Variants in SCN10A observed in about 807,000 individuals in gnomAD.
SCN10A encodes the protein sodium voltage-gated channel alpha subunit 10.
Under a neutral mutation model 170.7 loss-of-function variants are expected in SCN10A, and 162 were observed. That is an observed-to-expected ratio of 0.95 (90% CI 0.84 to 1.08). The LOEUF is 1.08. SCN10A is among the 50% of genes least tolerant of loss of function. The pLI is 0.00. For missense variants in SCN10A, 2,527 were observed against 2,436.9 expected (o/e 1.04, Z -0.78); for synonymous variants, 985 against 904.6 (o/e 1.09, Z -1.59).
chr3:38,802,519 C>A (rs1475659079), intron 1 of SCN10A, among the ~76,000 whole-genome samples: 1 of 152,060 alleles, frequency 6.6e-6, no homozygotes, highest in African/African-American at 2.4e-5. Flanking sequence ...AGGTCCCAAG[C>A]CTTAAAACTT....
intron 3 of SCN10A, among the ~76,000 whole-genome samples, chr3:38,791,038 A>G (rs1445858266): frequency 6.6e-6 from 1 of 152,210 alleles, no homozygotes; most frequent in Non-Finnish European, 1.5e-5. Context: ...TGCCAAGGTT[A>G]CCAGCTCAAT....
chr3:38,808,432 A>G (rs2064419681), intron 1 of SCN10A, among the ~76,000 whole-genome samples: 1 of 152,156 alleles, frequency 6.6e-6, no homozygotes, highest in African/African-American at 2.4e-5. Context: ...TTTGATAATT[A>G]TCTGTTCAAT....
intron 19 of SCN10A, among the ~76,000 whole-genome samples, chr3:38,722,785 G>C (rs575221910): frequency 4.3e-4 from 66 of 152,336 alleles, no homozygotes; most frequent in African/African-American, 1.6e-3. Flanking sequence ...GGGCCACGAC[G>C]TGGCTGGGAT....
At chr3:38,748,433 A>G (rs1280246240) in intron 13 of SCN10A, among the ~76,000 whole-genome samples, 1 of 152,256 alleles carries the variant, frequency 6.6e-6, no homozygotes, top group Non-Finnish European at 1.5e-5. Context: ...TTATGCTTCA[A>G]GTCCTCACCA....
rs543574832 is a variant in SCN10A at position 38,735,169 on chromosome 3, CAA to C, written c.2280+4344_2280+4345del. ...TGGGTGACAGAGCGAGACTCTGTCT[CAA>C]AAAAAAAAAAAAAAAAAAGAAAGAA... On this transcript the variant is annotated intron_variant, in intron 15 of 27. Transcript: ENST00000449082. Among the ~76,000 whole-genome samples, 113 of 76,148 alleles carry C rather than the reference CAA, an allele frequency of 1.5e-3. 1 individual carries two copies. The highest frequency in any genetic ancestry group is 8.2e-3 in the Middle Eastern group (1 of 122). The allele number at this position is 76,148 out of a possible 152,430, so 50.0% of individuals were successfully genotyped here.
chr3:38,750,039 A>C lies in SCN10A; in HGVS notation c.1867+34T>G, dbSNP rs373795368. On this transcript the variant is annotated intron_variant, in intron 13 of 27. Transcript: ENST00000449082. ...TGCTCACATGGGAATTCATCATGACACAGTGGATGAACAATGCAGTGAGCA... is the reference window on the plus strand; with the variant it reads ...TGCTCACATGGGAATTCATCATGACCCAGTGGATGAACAATGCAGTGAGCA... 4 of 1,169,332 alleles carry C rather than the reference A, an allele frequency of 3.4e-6. No individual in the cohort carries two copies. The African/African-American group carries it at 6.0e-5, about 18-fold the overall frequency. The allele number at this position is 1,169,332 out of a possible 1,614,324, so 72.4% of individuals were successfully genotyped here. A position where few individuals can be genotyped will look rare whatever the true frequency, so the allele number is the denominator to read the frequency against.
chr3:38,762,894 T>G (rs1172560392), intron 6 of SCN10A, among the ~76,000 whole-genome samples: 2 of 152,148 alleles, frequency 1.3e-5, no homozygotes, highest in Non-Finnish European at 2.9e-5. Flanking sequence ...TTCAGAAAGT[T>G]TGCCTTGTCT....
intron 8 of SCN10A, among the ~76,000 whole-genome samples, chr3:38,759,867 TTTG>T (rs2063849506): frequency 6.6e-6 from 1 of 152,190 alleles, no homozygotes; most frequent in African/African-American, 2.4e-5. Context: ...ACTCCACTCA[TTTG>T]TTGTTATGAA....
rs1359212020 is a variant in SCN10A at position 38,697,792 on chromosome 3, T to A, written c.5428A>T (p.Asn1810Tyr). 3 of 1,614,056 alleles carry A rather than the reference T, an allele frequency of 1.9e-6. No individual in the cohort carries two copies. The highest frequency in any genetic ancestry group is 2.7e-5 in the African/African-American group (2 of 74,922). Residue 1810 changes from asparagine (N) to tyrosine (Y), a missense_variant, in exon 28 of 28, where the codon AAT becomes TAT. Transcript: ENST00000449082. The part of the protein sequence containing the change: ...CLDILFAFTK[N>Y]VLGESGELDS... ...AACTCCCCGGATTCTCCTAGGACAT[T>A]CTTGGTGAAAGCAAAAAGGATGTCC...
intron 1 of SCN10A, among the ~76,000 whole-genome samples, chr3:38,800,169 C>T (rs756393446): frequency 6.6e-6 from 1 of 152,142 alleles, no homozygotes; most frequent in Admixed American, 6.5e-5. Flanking sequence ...CTACAACAGA[C>T]ATTGATGTTC....
rs530179501 is a variant in SCN10A at position 38,791,556 on chromosome 3, G to T, written c.389+494C>A. Among the ~76,000 whole-genome samples the T allele has an allele frequency of 3.9e-5, 6 of 152,284 alleles. No individual in the cohort carries two copies. The East Asian group carries it at 1.2e-3, about 29-fold the overall frequency. ...GACTATGTGTGCTCTTCCCATCATG[G>T]TCTGTTTTCCTTGCCCTCTGGGAGG... On this transcript the variant is annotated intron_variant, in intron 3 of 27. Coordinates refer to ENST00000449082, the MANE Select transcript of SCN10A (RefSeq NM_006514.4).
Position 38,756,655 on chromosome 3 carries a change from G to C in SCN10A, c.1290+19C>G. The C allele has an allele frequency of 6.2e-7, 1 of 1,603,632 alleles. No homozygotes were observed. The highest frequency in any genetic ancestry group is 8.5e-7 in the Non-Finnish European group (1 of 1,172,908). Reference sequence around the variant, plus strand: ...GACAGTCTGCAACCTTCTTCACAAAGCTTCCACTCCTCACAAACCTCCTGC... The same window carrying C: ...GACAGTCTGCAACCTTCTTCACAAACCTTCCACTCCTCACAAACCTCCTGC... On this transcript the variant is annotated intron_variant, in intron 10 of 27. Transcript: ENST00000449082.
At chr3:38,718,238 T>C (rs2063352802) in intron 21 of SCN10A, among the ~76,000 whole-genome samples, 1 of 152,196 alleles carries the variant, frequency 6.6e-6, no homozygotes, top group South Asian at 2.1e-4. Context: ...CAGGTGATTC[T>C]CAAGTGCAGC....
chr3:38,724,537 G>C (rs1018001780), intron 18 of SCN10A, among the ~76,000 whole-genome samples: 3 of 152,156 alleles, frequency 2.0e-5, no homozygotes, highest in African/African-American at 7.2e-5. Flanking sequence ...GTCTCTGTGA[G>C]GCTGTCACTT....
intron 11 of SCN10A, 39 bp downstream of exon 11, chr3:38,755,749 T>C (rs763393390): frequency 6.8e-6 from 11 of 1,608,804 alleles, no homozygotes; most frequent in South Asian, 2.2e-5. Flanking sequence ...GCAGCTGCAA[T>C]GGTGGGTAAT....
chr3:38,746,063 G>GTGTATATATATATGTGTGTGTA (rs1293476818), intron 13 of SCN10A, among the ~76,000 whole-genome samples: 1 of 61,672 alleles, frequency 1.6e-5, no homozygotes, highest in Non-Finnish European at 3.5e-5. Context: ...GTGTGTATGT[G>GTGTATATATATATGTGTGTGTA]TATATATATA....
At chr3:38,772,691 AAACAAC>A (rs527981727) in intron 4 of SCN10A, among the ~76,000 whole-genome samples, 2 of 147,360 alleles carry the variant, frequency 1.4e-5, no homozygotes, top group Non-Finnish European at 3.0e-5. Context: ...TTCGTCTCCA[AAACAAC>A]AACAACAACA....
At chr3:38,755,143 G>A (rs2063789651) in intron 11 of SCN10A, among the ~76,000 whole-genome samples, 1 of 152,052 alleles carries the variant, frequency 6.6e-6, no homozygotes, top group South Asian at 2.1e-4. Flanking sequence ...ATGGGTGCTG[G>A]AAACTTTTCT....
intron 6 of SCN10A, among the ~76,000 whole-genome samples, chr3:38,762,658 A>G (rs1174532499): frequency 6.6e-6 from 1 of 152,064 alleles, no homozygotes; most frequent in Non-Finnish European, 1.5e-5. Flanking sequence ...CCCAGTTGAG[A>G]GTAAGTGAGA....
Sources: gnomAD v4.1 joint callset for allele counts (sites outside exome capture counted in the v4.1 genomes callset) on GRCh38, gnomAD v4.1.1 for gene constraint, MANE v1.5 for transcripts, NCBI Gene and HGNC (gene_info 2026-07-23, HGNC 2026-07-21) for gene names.